GRM5: variants seen among roughly 807,000 people sequenced by gnomAD.
GRM5 encodes the protein metabotropic glutamate receptor 5.
A neutral mutation model predicts 83.1 loss-of-function variants in GRM5; 19 were observed. That is an observed-to-expected ratio of 0.23 (90% CI 0.16 to 0.34). The LOEUF is 0.34. Ranked by LOEUF, GRM5 falls within the 10% of genes least tolerant of loss-of-function variation. The pLI is 1.00. For synonymous variants in GRM5, 675 were observed against 633.6 expected (o/e 1.07, Z -0.98); for missense variants, 1,160 against 1,588.3 (o/e 0.73, Z 4.58).
intron 3 of GRM5, among the ~76,000 whole-genome samples, chr11:88,790,886 A>G (rs556436349): frequency 6.6e-6 from 1 of 152,330 alleles, no homozygotes; most frequent in South Asian, 2.1e-4. Context: ...AAATAATTTG[A>G]ACTTTATCTT....
intron 8 of GRM5, among the ~76,000 whole-genome samples, chr11:88,563,763 A>T (rs1942810235): frequency 6.6e-6 from 1 of 152,178 alleles, no homozygotes; most frequent in Non-Finnish European, 1.5e-5. Context: ...GAAATACCTG[A>T]ATTTATTTGT....
intron 8 of GRM5, among the ~76,000 whole-genome samples, chr11:88,559,044 A>G (rs955579504): frequency 4.0e-4 from 61 of 152,182 alleles, no homozygotes; most frequent in African/African-American, 1.5e-3. Context: ...CAATTCCTGT[A>G]AAAATATTAT....
At position 88,931,630 on chromosome 11, in the gene GRM5, G is replaced by A. The variant is rs555624584; in HGVS notation, c.662-81475C>T. On this transcript the variant is annotated intron_variant, in intron 2 of 9. Transcript: ENST00000305447. ...TTGTGAATTTCTAGCCCCACACAGG[G>A]CTCTAAAAGAGATAAAATACAGTTG... Among the ~76,000 whole-genome samples, 134 of 152,140 alleles carry A rather than the reference G, an allele frequency of 8.8e-4. 1 individual carries two copies. The highest frequency in any genetic ancestry group is 3.0e-3 in the African/African-American group (123 of 41,536).
intron 2 of GRM5, among the ~76,000 whole-genome samples, chr11:88,905,726 T>A (rs532735180): frequency 2.0e-4 from 30 of 152,270 alleles, no homozygotes; most frequent in Non-Finnish European, 4.0e-4. Context: ...ACTTTGAGTC[T>A]CTTTCAGTCT....
chr11:88,694,136 A>G (rs959857970), intron 3 of GRM5, among the ~76,000 whole-genome samples: 4 of 152,216 alleles, frequency 2.6e-5, no homozygotes, highest in Non-Finnish European at 5.9e-5. Flanking sequence ...TTTAACCACC[A>G]GCATAATTGA....
chr11:88,838,627 C>A (rs1347196908), intron 3 of GRM5, among the ~76,000 whole-genome samples: 1 of 151,952 alleles, frequency 6.6e-6, no homozygotes, highest in African/African-American at 2.4e-5. Context: ...CCTTTAAATC[C>A]CTAACAGTGA....
chr11:88,524,184 T>TTTCC (rs879381315), intron 9 of GRM5: 1 of 142,758 alleles, frequency 7.0e-6, no homozygotes, highest in African/African-American at 2.6e-5. Flanking sequence ...TTCTTTTCTT[T>TTTCC]TTTCTTTTTC....
chr11:88,644,242 T>C (rs2135290985), intron 4 of GRM5, among the ~76,000 whole-genome samples: 1 of 152,310 alleles, frequency 6.6e-6, no homozygotes, highest in East Asian at 1.9e-4. Context: ...ATGAGGATTT[T>C]AGACCCAGGC....
At position 89,047,513 on chromosome 11, in the gene GRM5, T is replaced by C. The variant is rs763648926; in HGVS notation, c.360A>G (p.Ser120=). The C allele has an allele frequency of 1.2e-5, 20 of 1,614,148 alleles. No individual in the cohort carries two copies. The highest frequency in any genetic ancestry group is 1.7e-5 in the Non-Finnish European group (20 of 1,179,976). ...AGCGTACCAAGCCTTCTTCCTCTTC[T>C]GAAGAAATGAGGGAATCTCTTATGA... ...IEFIRDSLIS[S]EEEEGLVRCV... is the part of the protein sequence containing the mutation. The change falls in exon 2 of 10, where the codon TCA becomes TCG. Residue 120 remains serine (S), a synonymous_variant. Transcript: ENST00000305447. The surrounding 1 kb of genome is among the most constrained non-coding windows in gnomAD (Gnocchi z 5.1).
intron 2 of GRM5, among the ~76,000 whole-genome samples, chr11:88,872,120 T>C (rs1336749906): frequency 6.6e-6 from 1 of 151,474 alleles, no homozygotes; most frequent in East Asian, 1.9e-4. Context: ...AAATTAACAT[T>C]ATTAAGCATT....
intron 3 of GRM5, among the ~76,000 whole-genome samples, chr11:88,727,746 T>G (rs1565204012): frequency 2.0e-5 from 3 of 152,120 alleles, no homozygotes; most frequent in African/African-American, 7.2e-5. Flanking sequence ...ACCACACAAC[T>G]ACATGGAAAC....
chr11:88,955,692 C>G (rs1201521686), intron 2 of GRM5, among the ~76,000 whole-genome samples: 1 of 152,126 alleles, frequency 6.6e-6, no homozygotes, highest in East Asian at 1.9e-4. Context: ...GTGTGGAGTT[C>G]TGTTCATTCA....
chr11:88,921,625 A>AT (rs1318609313), intron 2 of GRM5, among the ~76,000 whole-genome samples: 4 of 94,678 alleles, frequency 4.2e-5, no homozygotes, highest in Admixed American at 1.4e-4. Context: ...GTGAGACTCC[A>AT]TTTAAAAAAA....
chr11:88,662,488 A>G (rs1005614298), intron 3 of GRM5, among the ~76,000 whole-genome samples: 2 of 152,152 alleles, frequency 1.3e-5, no homozygotes, highest in Non-Finnish European at 2.9e-5. Context: ...TTTGGGGTAT[A>G]CACACCTCTC....
intron 2 of GRM5, among the ~76,000 whole-genome samples, chr11:88,909,667 A>C (rs1945462451): frequency 6.6e-6 from 1 of 151,824 alleles, no homozygotes; most frequent in Non-Finnish European, 1.5e-5. Context: ...GGCCATCCTC[A>C]CTGGTATCTC....
chr11:89,065,289 C>T (rs1277083827), intron 1 of GRM5, among the ~76,000 whole-genome samples: 153 of 49,538 alleles, frequency 3.1e-3, no homozygotes, highest in African/African-American at 6.3e-3. Flanking sequence ...ATTGGCATCA[C>T]ACACACACAC....
Position 88,974,374 on chromosome 11 carries a change from GAGATAGATAGAT to G in GRM5, c.661+72826_661+72837del, listed in dbSNP as rs71046273. On this transcript the variant is annotated intron_variant, in intron 2 of 9. Transcript: ENST00000305447. ...AAACAGTGTTATCTCCCTGGCAATA[GAGATAGATAGAT>G]AGATAGATAGATAGATAGATAGATA... Among the ~76,000 whole-genome samples, 765 of 147,818 alleles carry G rather than the reference GAGATAGATAGAT, an allele frequency of 5.2e-3. 2 individuals are homozygous for G. Among genetic ancestry groups the G allele is most frequent in the East Asian group, 0.022 (112 of 4,980 alleles).
intron 3 of GRM5, among the ~76,000 whole-genome samples, chr11:88,824,140 T>C (rs1407212166): frequency 2.0e-5 from 3 of 152,198 alleles, no homozygotes; most frequent in Non-Finnish European, 4.4e-5. Flanking sequence ...TTGTAAGATT[T>C]AAGGGCAATG....
At chr11:88,675,225 T>C (rs59271407) in intron 3 of GRM5, among the ~76,000 whole-genome samples, 11,362 of 152,036 alleles carry the variant, frequency 0.075, 747 homozygotes, top group African/African-American at 0.17. Flanking sequence ...GTGAATGACA[T>C]TGTAATTTTA....
Sources: gnomAD v4.1 joint callset for allele counts (sites outside exome capture counted in the v4.1 genomes callset) on GRCh38, gnomAD v4.1.1 for gene constraint, Gnocchi (gnomAD v3.1) non-coding constraint, MANE v1.5 for transcripts, NCBI Gene and HGNC (gene_info 2026-07-23, HGNC 2026-07-21) for gene names.